Variants in CPA6 observed in about 807,000 individuals in gnomAD.
CPA6 encodes the protein carboxypeptidase B.
CPA6 carries 58 observed loss-of-function variants against 63.3 expected under a neutral mutation model. The ratio of observed to expected loss-of-function variants is 0.92; its 90% CI spans 0.74 to 1.14. The LOEUF (loss-of-function observed/expected upper bound fraction) is 1.14, where lower values mean the gene tolerates loss of function less well. Ranked by LOEUF, CPA6 falls within the 50% of genes most tolerant of loss-of-function variation. The pLI is 0.00. For synonymous variants in CPA6, 185 were observed against 179.0 expected, an observed-to-expected ratio of 1.03 and a Z score of -0.27; for missense variants, 565 against 526.6, an observed-to-expected ratio of 1.07 and a Z score of -0.71.
At chr8:67,701,982 T>C (rs1206078244) in intron 1 of CPA6, among the ~76,000 whole-genome samples, 1 of 152,114 alleles carries the variant, frequency 6.6e-6, no homozygotes, top group Non-Finnish European at 1.5e-5. Context: ...AGATTGTGCG[T>C]GCAGTGTTCA....
chr8:67,534,168 C>T (rs946531207), intron 2 of CPA6, among the ~76,000 whole-genome samples: 6 of 152,180 alleles, frequency 3.9e-5, no homozygotes, highest in Non-Finnish European at 7.3e-5. Flanking sequence ...CTGCCAGGCT[C>T]AAGGACCTTG....
intron 1 of CPA6, among the ~76,000 whole-genome samples, chr8:67,709,238 G>A (rs1817202976): frequency 6.6e-6 from 1 of 152,206 alleles, no homozygotes; most frequent in Non-Finnish European, 1.5e-5. Context: ...AGAATCAGGG[G>A]AGAAGAAACA....
At chr8:67,508,573 G>T (rs1330895377) in intron 5 of CPA6, among the ~76,000 whole-genome samples, 1 of 152,152 alleles carries the variant, frequency 6.6e-6, no homozygotes, top group Non-Finnish European at 1.5e-5. Context: ...CTAAGGAAAG[G>T]ATAAGGGGAA....
intron 1 of CPA6, among the ~76,000 whole-genome samples, chr8:67,669,633 C>T (rs1816301202): frequency 6.6e-6 from 1 of 152,126 alleles, no homozygotes; most frequent in Non-Finnish European, 1.5e-5. Context: ...TCACCTTTCC[C>T]CTTCCCTTCC....
chr8:67,683,153 G>A lies in CPA6; in HGVS notation c.117-58902C>T, dbSNP rs896207402. On this transcript the variant is annotated intron_variant, in intron 1 of 10. Transcript: ENST00000297770. ...ATAGCGCTGTTTGCTTATTCCCCCT[G>A]TGGGATCACTGTCCTATTGTACCTG... Among the ~76,000 whole-genome samples, 12 of 152,278 alleles carry A rather than the reference G, an allele frequency of 7.9e-5. No homozygotes were observed. In the East Asian group the frequency reaches 2.3e-3, roughly 29 times the overall value.
At chr8:67,637,647 C>T (rs1815499601) in intron 1 of CPA6, among the ~76,000 whole-genome samples, 1 of 151,258 alleles carries the variant, frequency 6.6e-6, no homozygotes, top group Non-Finnish European at 1.5e-5. Flanking sequence ...GAAAATTTTT[C>T]AAAGATGTAT....
At chr8:67,551,361 A>T (rs1028316519) in intron 2 of CPA6, among the ~76,000 whole-genome samples, 1 of 152,008 alleles carries the variant, frequency 6.6e-6, no homozygotes, top group Non-Finnish European at 1.5e-5. Flanking sequence ...TTGGCTCTCT[A>T]TTGTATTCCA....
intron 1 of CPA6, among the ~76,000 whole-genome samples, chr8:67,637,189 C>T (rs749105116): frequency 6.6e-6 from 1 of 151,668 alleles, no homozygotes; most frequent in African/African-American, 2.4e-5. Flanking sequence ...CTGGACTTCA[C>T]TTTATAACAG....
chr8:67,443,190 G>A (rs768585972), intron 8 of CPA6, among the ~76,000 whole-genome samples: 85 of 151,850 alleles, frequency 5.6e-4, no homozygotes, highest in Admixed American at 2.4e-3. Context: ...AGCCTCCCAA[G>A]TAGCTGAGAT....
chr8:67,732,866 T>C (rs979965904), intron 1 of CPA6, among the ~76,000 whole-genome samples: 3 of 152,024 alleles, frequency 2.0e-5, no homozygotes, highest in Admixed American at 6.5e-5. Context: ...GCTCCAGCCA[T>C]GTCACCCTGC....
At chr8:67,613,621 A>G (rs1010917288) in intron 2 of CPA6, among the ~76,000 whole-genome samples, 1 of 152,212 alleles carries the variant, frequency 6.6e-6, no homozygotes, top group Admixed American at 6.5e-5. Flanking sequence ...AAGCACTGAG[A>G]AATCAGGTAA....
chr8:67,428,062 C>T lies in CPA6; in HGVS notation c.1111G>A (p.Ala371Thr), dbSNP rs890812699. 2.5e-6 allele frequency: 4 copies of T among 1,610,428 alleles called. No individual in the cohort carries two copies. The African/African-American group carries it at 4.0e-5, about 16-fold the overall frequency. ...GGAAACTTACACAACGTTGTGGAGG[C>T]TGGTCCATATCTGTATCGTACCCCG... ...VYGVRYRYGP[A>T]STTLYVSSGS... Residue 371 changes from alanine to threonine, a missense_variant, in exon 10 of 11, where the codon GCC becomes ACC. Coordinates refer to ENST00000297770, the MANE Select transcript of CPA6 (RefSeq NM_020361.5).
chr8:67,703,934 TG>T (rs200996332), intron 1 of CPA6, among the ~76,000 whole-genome samples: 11,747 of 151,462 alleles, frequency 0.078, 814 homozygotes, highest in African/African-American at 0.18. Context: ...GCTTTTTTTT[TG>T]TTGTTGTTGT....
chr8:67,647,379 T>C (rs560463126), intron 1 of CPA6, among the ~76,000 whole-genome samples: 2 of 152,194 alleles, frequency 1.3e-5, no homozygotes, highest in East Asian at 3.9e-4. Context: ...CCTCACTATG[T>C]TGCCCAGGCT....
chr8:67,676,770 C>T (rs1816483139), intron 1 of CPA6, among the ~76,000 whole-genome samples: 1 of 152,082 alleles, frequency 6.6e-6, no homozygotes, highest in Non-Finnish European at 1.5e-5. Flanking sequence ...ATTATAACCC[C>T]CATTCATTTA....
intron 9 of CPA6, among the ~76,000 whole-genome samples, chr8:67,429,388 G>A (rs996105514): frequency 1.3e-5 from 2 of 152,144 alleles, no homozygotes; most frequent in African/African-American, 4.8e-5. Flanking sequence ...ACAACTCTCC[G>A]ATTTCAGCTT....
chr8:67,425,417 C>T (rs1265951659), intron 10 of CPA6, among the ~76,000 whole-genome samples: 1 of 152,164 alleles, frequency 6.6e-6, no homozygotes, highest in East Asian at 1.9e-4. Flanking sequence ...CTCTGGCACC[C>T]AGGCTGGAGT....
intron 2 of CPA6, among the ~76,000 whole-genome samples, chr8:67,571,301 A>G (rs142947848): frequency 6.6e-6 from 1 of 152,338 alleles, no homozygotes; most frequent in Non-Finnish European, 1.5e-5. Flanking sequence ...TCATGTAGAC[A>G]GAAAGTTATT....
intron 1 of CPA6, among the ~76,000 whole-genome samples, chr8:67,667,104 G>A (rs1816248294): frequency 6.6e-6 from 1 of 152,100 alleles, no homozygotes; most frequent in South Asian, 2.1e-4. Flanking sequence ...CCTATCATCT[G>A]GCATCTACAC....
Sources: gnomAD v4.1 joint callset for allele counts (sites outside exome capture counted in the v4.1 genomes callset) on GRCh38, gnomAD v4.1.1 for gene constraint, MANE v1.5 for transcripts, NCBI Gene and HGNC (gene_info 2026-07-23, HGNC 2026-07-21) for gene names.